CAMK2D: variants seen among roughly 807,000 people sequenced by gnomAD.
CAMK2D encodes the protein calcium/calmodulin dependent protein kinase II delta.
Under a neutral mutation model 84.0 loss-of-function variants are expected in CAMK2D, and 37 were observed. The observed-to-expected ratio is 0.44, with a 90% CI of 0.34 to 0.58. The LOEUF (loss-of-function observed/expected upper bound fraction) is 0.58, where lower values mean the gene tolerates loss of function less well. Ranked by LOEUF, CAMK2D falls within the 20% of genes least tolerant of loss-of-function variation. The pLI is 0.02. For synonymous variants in CAMK2D, 202 were observed against 212.5 expected (o/e 0.95, Z 0.43); for missense variants, 448 against 652.5 (o/e 0.69, Z 3.41).
intron 3 of CAMK2D, among the ~76,000 whole-genome samples, chr4:113,647,490 T>C (rs1366805961): frequency 6.6e-6 from 1 of 152,274 alleles, no homozygotes; most frequent in African/African-American, 2.4e-5. Context: ...TTTAAATCAC[T>C]GAGTTCCTCA....
chr4:113,685,972 G>T (rs2099358542), intron 2 of CAMK2D, among the ~76,000 whole-genome samples: 1 of 151,798 alleles, frequency 6.6e-6, no homozygotes, highest in Non-Finnish European at 1.5e-5. Context: ...GCTGAGGCAT[G>T]AAAATTGCTT....
At chr4:113,698,691 A>T (rs544701087) in intron 2 of CAMK2D, among the ~76,000 whole-genome samples, 14 of 152,108 alleles carry the variant, frequency 9.2e-5, no homozygotes, top group Non-Finnish European at 1.8e-4. Flanking sequence ...CCCATTCTCC[A>T]AAGGTGTTAC....
intron 3 of CAMK2D, among the ~76,000 whole-genome samples, chr4:113,612,369 A>G (rs1459548659): frequency 6.6e-6 from 1 of 152,154 alleles, no homozygotes; most frequent in East Asian, 1.9e-4. Context: ...TACTTTTACA[A>G]AATGTTACAT....
At position 113,735,370 on chromosome 4, in the gene CAMK2D, G is replaced by T. The variant is rs147693838; in HGVS notation, c.160+23950C>A. 8.6e-3 allele frequency among the ~76,000 whole-genome samples: 1,300 copies of T among 150,846 alleles called. 18 individuals are homozygous for T. The highest frequency in any genetic ancestry group is 0.03 in the African/African-American group (1,219 of 40,974). On this transcript the variant is annotated intron_variant, in intron 2 of 20. Coordinates refer to ENST00000511664, the MANE Select transcript of CAMK2D (RefSeq NM_001321571.2). The stretch of plus-strand genomic sequence containing the variant: ...TGCGCCTGTGGTCACAGCTACTTGG[G>T]AGGCTGAGGTGGGAGGATCGCTTGA...
intron 2 of CAMK2D, among the ~76,000 whole-genome samples, chr4:113,665,595 G>A (rs1011660479): frequency 2.6e-5 from 4 of 152,328 alleles, no homozygotes; most frequent in South Asian, 2.1e-4. Flanking sequence ...CCATAATACT[G>A]TTTGGCACCA....
At chr4:113,483,075 A>G (rs1432049269) in intron 16 of CAMK2D, among the ~76,000 whole-genome samples, 1 of 152,238 alleles carries the variant, frequency 6.6e-6, no homozygotes. Flanking sequence ...TTATCCACTC[A>G]TGTACTCTGG....
At chr4:113,463,615 A>G (rs532831504) in intron 17 of CAMK2D, among the ~76,000 whole-genome samples, 7 of 152,320 alleles carry the variant, frequency 4.6e-5, no homozygotes, top group Admixed American at 4.6e-4. Flanking sequence ...ACCTCAGGTG[A>G]TCTGCCTGCC....
chr4:113,463,074 G>T (rs893044503), intron 17 of CAMK2D, among the ~76,000 whole-genome samples: 1 of 152,090 alleles, frequency 6.6e-6, no homozygotes. Flanking sequence ...TCATGATAAA[G>T]AATGGATACA....
chr4:113,649,027 G>T (rs562761502), intron 3 of CAMK2D, among the ~76,000 whole-genome samples: 1 of 152,020 alleles, frequency 6.6e-6, no homozygotes, highest in Non-Finnish European at 1.5e-5. Context: ...CTCTAGTCAC[G>T]CAAACTAGAA....
At chr4:113,579,849 C>A (rs1405495277) in intron 4 of CAMK2D, among the ~76,000 whole-genome samples, 2 of 152,174 alleles carry the variant, frequency 1.3e-5, no homozygotes, top group Non-Finnish European at 2.9e-5. Context: ...AAAAAGAATT[C>A]TTGAAATATT....
intron 2 of CAMK2D, among the ~76,000 whole-genome samples, chr4:113,681,924 C>T (rs773754522): frequency 6.6e-6 from 1 of 151,626 alleles, no homozygotes; most frequent in Non-Finnish European, 1.5e-5. Flanking sequence ...TTTGTAATTC[C>T]AGTTTGCTGG....
At chr4:113,456,221 G>A (rs1240918989) in intron 19 of CAMK2D, among the ~76,000 whole-genome samples, 3 of 152,130 alleles carry the variant, frequency 2.0e-5, no homozygotes, top group Non-Finnish European at 2.9e-5. Flanking sequence ...AAGAAATCAT[G>A]ATGGATTCTC....
At chr4:113,555,381 GGCAATCTT>G (rs1591164980) in intron 4 of CAMK2D, among the ~76,000 whole-genome samples, 1 of 152,132 alleles carries the variant, frequency 6.6e-6, no homozygotes, top group Non-Finnish European at 1.5e-5. Context: ...ACAAGTAGGA[GGCAATCTT>G]GCTAAGGTAG....
chr4:113,664,155 C>G (rs2099248443), intron 2 of CAMK2D, among the ~76,000 whole-genome samples: 1 of 152,168 alleles, frequency 6.6e-6, no homozygotes, highest in South Asian at 2.1e-4. Context: ...GACTTCTGAG[C>G]CTCCAGAATT....
intron 19 of CAMK2D, 172 bp downstream of exon 19, chr4:113,457,163 T>A (rs1304629631): frequency 7.0e-7 from 1 of 1,435,846 alleles, no homozygotes; most frequent in Non-Finnish European, 9.1e-7. Context: ...ATGGCTGATC[T>A]GATTGATCTT....
chr4:113,740,841 T>A (rs994087464), intron 2 of CAMK2D, among the ~76,000 whole-genome samples: 2 of 152,192 alleles, frequency 1.3e-5, no homozygotes, highest in Non-Finnish European at 2.9e-5. Context: ...AGTAGTCTCC[T>A]CTTAATTCAG....
chr4:113,754,268 A>C (rs2099623533), intron 2 of CAMK2D: 1 of 976,948 alleles, frequency 1.0e-6, no homozygotes, highest in Non-Finnish European at 1.2e-6. Flanking sequence ...AATGGGGAAG[A>C]CTGATGTTAA....
At chr4:113,648,615 C>A (rs944112668) in intron 3 of CAMK2D, among the ~76,000 whole-genome samples, 2 of 152,248 alleles carry the variant, frequency 1.3e-5, no homozygotes, top group African/African-American at 4.8e-5. Context: ...GAAAAAGCAC[C>A]CTAGAAATAA....
intron 2 of CAMK2D, among the ~76,000 whole-genome samples, chr4:113,672,153 T>G (rs2099290394): frequency 6.6e-6 from 1 of 152,130 alleles, no homozygotes; most frequent in South Asian, 2.1e-4. Context: ...CTTCTTTAAG[T>G]GAATAGAATC....
Sources: gnomAD v4.1 joint callset for allele counts (sites outside exome capture counted in the v4.1 genomes callset) on GRCh38, gnomAD v4.1.1 for gene constraint, MANE v1.5 for transcripts, NCBI Gene and HGNC (gene_info 2026-07-23, HGNC 2026-07-21) for gene names.